The following TNS3 variants were observed in gnomAD, a reference collection of about 807,000 sequenced individuals.
TNS3 encodes the protein tensin 3.
A neutral mutation model predicts 140.9 loss-of-function variants in TNS3; 45 were observed. The observed-to-expected ratio is 0.32, with a 90% CI of 0.25 to 0.41. The LOEUF (loss-of-function observed/expected upper bound fraction) is 0.41, where lower values mean the gene tolerates loss of function less well. Ranked by LOEUF, TNS3 falls within the 10% of genes least tolerant of loss-of-function variation. The pLI is 1.00. For synonymous variants in TNS3, 815 were observed against 788.4 expected (o/e 1.03, Z -0.56); for missense variants, 1,716 against 1,906.7 (o/e 0.90, Z 1.86).
At chr7:47,513,030 T>C (rs181410186) in intron 2 of TNS3, among the ~76,000 whole-genome samples, 83 of 152,324 alleles carry the variant, frequency 5.4e-4, no homozygotes, top group African/African-American at 1.9e-3. Context: ...GATAAGAAAC[T>C]GACCTTTTCT....
In TNS3 at chr7:47,435,337, G is replaced by A. The variant is rs143097272; in HGVS notation, c.269C>T (p.Ala90Val). 478 of 1,614,104 alleles carry A rather than the reference G, an allele frequency of 3.0e-4. 6 individuals are homozygous for A. The African/African-American group carries it at 5.2e-3, about 17-fold the overall frequency. ...PLDKMCTICK[A>V]QESWLNSNLQ... The stretch of plus-strand genomic sequence containing the variant: ...GTTGCTGTTCAGCCAGGACTCCTGC[G>A]CCTTGCATATGGTACACATCTTATC... The change falls in exon 8 of 31, where the codon GCG becomes GTG. Residue 90 changes from alanine (A) to valine (V), a missense_variant. Physicochemically the swap from Ala to Val is moderately conservative, Grantham distance 64. This residue lies in a region of TNS3 where 337 missense variants were observed against 428.9 expected (regional missense o/e 0.79). Coordinates refer to ENST00000311160, the MANE Select transcript of TNS3 (RefSeq NM_022748.12).
intron 2 of TNS3, among the ~76,000 whole-genome samples, chr7:47,515,410 C>T (rs1010333839): frequency 2.6e-5 from 4 of 152,150 alleles, no homozygotes; most frequent in Non-Finnish European, 4.4e-5. Flanking sequence ...TACACTATCA[C>T]TATCACCATC....
chr7:47,358,350 G>A (rs1790119435), intron 17 of TNS3, among the ~76,000 whole-genome samples: 1 of 152,130 alleles, frequency 6.6e-6, no homozygotes, highest in Non-Finnish European at 1.5e-5. Context: ...TATTGGCCAG[G>A]CTAGTCTTGA....
chr7:47,537,599 C>T (rs1321719138), intron 1 of TNS3, among the ~76,000 whole-genome samples: 1 of 152,090 alleles, frequency 6.6e-6, no homozygotes, highest in African/African-American at 2.4e-5. Flanking sequence ...CAAACCTCTC[C>T]GAGAACGCTG....
chr7:47,308,589 A>G (rs1031575979), intron 20 of TNS3, among the ~76,000 whole-genome samples: 1 of 152,116 alleles, frequency 6.6e-6, no homozygotes, highest in African/African-American at 2.4e-5. Context: ...ATATTCTTGA[A>G]CTTTATTCTG....
At chr7:47,403,085 G>A (rs908335825) in intron 13 of TNS3, among the ~76,000 whole-genome samples, 5 of 152,096 alleles carry the variant, frequency 3.3e-5, no homozygotes, top group African/African-American at 4.8e-5. Context: ...ATCCCCAACC[G>A]CAGCTCACCG....
chr7:47,402,608 CA>C (rs1371189326), intron 13 of TNS3, among the ~76,000 whole-genome samples: 1 of 152,192 alleles, frequency 6.6e-6, no homozygotes, highest in East Asian at 1.9e-4. Context: ...GACCACCCAT[CA>C]AATGCTTCAA....
intron 15 of TNS3, among the ~76,000 whole-genome samples, chr7:47,399,571 G>A (rs1188941612): frequency 2.6e-5 from 4 of 152,156 alleles, no homozygotes; most frequent in East Asian, 1.9e-4. Context: ...ATAAACTGGG[G>A]AAAGAATACC....
At chr7:47,387,524 T>A (rs780511842) in intron 16 of TNS3, among the ~76,000 whole-genome samples, 3 of 152,250 alleles carry the variant, frequency 2.0e-5, no homozygotes, top group African/African-American at 7.2e-5. Flanking sequence ...CACCTCCATG[T>A]AAGGGTCCCT....
chr7:47,411,876 C>T, intron 12 of TNS3, 74 bp from the exon 13 acceptor site: 1 of 1,367,714 alleles, frequency 7.3e-7, no homozygotes, highest in Non-Finnish European at 1.0e-6. Flanking sequence ...TAGAGAAAAG[C>T]AACCCTACAA....
At position 47,303,380 on chromosome 7, in the gene TNS3, G is replaced by T. The variant is rs763839011; in HGVS notation, c.3027C>A (p.Asp1009Glu). ...SHELSLAEPPDSLAPPSSQAF... is the reference protein window; with the variant it reads ...SHELSLAEPPESLAPPSSQAF... Reference sequence around the variant, plus strand: ...CCTGGCTGCTGGGAGGCGCCAGGGAGTCCGGTGGCTCTGCTAGGGACAGCT... The same window carrying T: ...CCTGGCTGCTGGGAGGCGCCAGGGATTCCGGTGGCTCTGCTAGGGACAGCT... Residue 1009 changes from aspartate to glutamate, a missense_variant, in exon 22 of 31, where the codon GAC becomes GAA. Physicochemically the swap from Asp to Glu is conservative, Grantham distance 45 (BLOSUM62 2). Transcript: ENST00000311160. 2.5e-6 allele frequency: 4 copies of T among 1,613,826 alleles called. No homozygotes were observed. The highest frequency in any genetic ancestry group is 2.2e-5 in the East Asian group (1 of 44,864).
intron 10 of TNS3, among the ~76,000 whole-genome samples, chr7:47,421,253 A>G (rs1794356718): frequency 6.6e-6 from 1 of 152,282 alleles, no homozygotes; most frequent in African/African-American, 2.4e-5. Flanking sequence ...ATAATAAACC[A>G]AAACTATACC....
intron 16 of TNS3, among the ~76,000 whole-genome samples, chr7:47,391,137 C>A (rs1792492370): frequency 6.6e-6 from 1 of 152,220 alleles, no homozygotes; most frequent in African/African-American, 2.4e-5. Flanking sequence ...CTCGCCTATG[C>A]CCCATGCCCA....
At chr7:47,428,587 G>A (rs1051882931) in intron 8 of TNS3, among the ~76,000 whole-genome samples, 1 of 152,224 alleles carries the variant, frequency 6.6e-6, no homozygotes, top group Non-Finnish European at 1.5e-5. Context: ...GGTGCAAACA[G>A]TAAGAGTGGG....
At chr7:47,500,112 CTT>C (rs1357635716) in intron 3 of TNS3, among the ~76,000 whole-genome samples, 2 of 152,130 alleles carry the variant, frequency 1.3e-5, no homozygotes, top group Non-Finnish European at 2.9e-5. Context: ...CACACACACA[CTT>C]GGCAAACATA....
chr7:47,400,582 T>C (rs1254026397), intron 14 of TNS3, 124 bp from the exon 15 acceptor site: 20 of 1,255,192 alleles, frequency 1.6e-5, no homozygotes, highest in Non-Finnish European at 2.1e-5. Flanking sequence ...AGACACCCCA[T>C]GATACAGAAA....
chr7:47,302,607 G>A (rs142449304), intron 22 of TNS3, among the ~76,000 whole-genome samples: 133 of 152,304 alleles, frequency 8.7e-4, no homozygotes, highest in African/African-American at 3.0e-3. Context: ...TCATAATGAC[G>A]TTTTGGATGA....
chr7:47,575,716 G>A (rs1172012618), intron 1 of TNS3, among the ~76,000 whole-genome samples: 2 of 150,720 alleles, frequency 1.3e-5, no homozygotes, highest in Middle Eastern at 6.9e-3. Context: ...CCAGCTACTT[G>A]GGAGGCTGAG....
chr7:47,408,820 G>A (rs1297733055), intron 13 of TNS3, among the ~76,000 whole-genome samples: 2 of 152,074 alleles, frequency 1.3e-5, no homozygotes. Flanking sequence ...TCATCTGTTT[G>A]TATAATAACA....
Sources: gnomAD v4.1 joint callset for allele counts (sites outside exome capture counted in the v4.1 genomes callset) on GRCh38, gnomAD v4.1.1 for gene constraint, gnomAD v4.1.1 regional missense constraint, MANE v1.5 for transcripts, NCBI Gene and HGNC (gene_info 2026-07-23, HGNC 2026-07-21) for gene names.